ATP2B2: variants seen among roughly 807,000 people sequenced by gnomAD.
The protein encoded by ATP2B2 is ATPase plasma membrane Ca2+ transporting 2.
In ATP2B2, 15 loss-of-function variants were observed where a neutral mutation model predicts 120.0. The observed-to-expected ratio is 0.12, with a 90% confidence interval of 0.08 to 0.19. The LOEUF is 0.19. Ranked by LOEUF, ATP2B2 falls within the 10% of genes least tolerant of loss-of-function variation. The pLI is 1.00. For missense variants in ATP2B2, 1,045 were observed against 1,719.8 expected, an observed-to-expected ratio of 0.61 and a Z score of 6.94; for synonymous variants, 694 against 700.3, an observed-to-expected ratio of 0.99 and a Z score of 0.14.
chr3:10,579,013 C>T (rs2068320996), intron 2 of ATP2B2, among the ~76,000 whole-genome samples: 1 of 152,180 alleles, frequency 6.6e-6, no homozygotes, highest in Non-Finnish European at 1.5e-5. Flanking sequence ...GGTAAAAATT[C>T]ACCCAGGAGT....
intron 1 of ATP2B2, among the ~76,000 whole-genome samples, chr3:10,490,989 CT>C (rs1273773603): frequency 6.6e-6 from 1 of 152,204 alleles, no homozygotes; most frequent in Non-Finnish European, 1.5e-5. Context: ...TGTTTTCTGA[CT>C]TTGCCTTCTG....
chr3:10,335,041 C>T lies in ATP2B2; in HGVS notation c.3420+3135G>A, dbSNP rs879256868. ...AGACAGACTTGTTCCCTATGGGGCC[C>T]GAAGCCATGGGTCCGGGAAAGAGCT... On this transcript the variant is annotated intron_variant, in intron 22 of 22. Coordinates refer to ENST00000360273, the MANE Select transcript of ATP2B2 (RefSeq NM_001001331.4). Among the ~76,000 whole-genome samples the T allele has an allele frequency of 9.9e-5, 15 of 152,224 alleles. No individual in the cohort carries two copies. In the South Asian group the frequency reaches 1.2e-3, roughly 13 times the overall value.
intron 1 of ATP2B2, among the ~76,000 whole-genome samples, chr3:10,634,501 A>T (rs1174747879): frequency 6.6e-6 from 1 of 152,126 alleles, no homozygotes; most frequent in Non-Finnish European, 1.5e-5. Flanking sequence ...CCAGTCCCTG[A>T]CTCCAGCCAA....
At chr3:10,564,320 T>C (rs1231043947) in intron 2 of ATP2B2, among the ~76,000 whole-genome samples, 1 of 152,214 alleles carries the variant, frequency 6.6e-6, no homozygotes, top group Non-Finnish European at 1.5e-5. Context: ...AAATTTCTTC[T>C]GTTTGAAATA....
chr3:10,675,208 A>G (rs2071210930), intron 1 of ATP2B2, among the ~76,000 whole-genome samples: 1 of 152,214 alleles, frequency 6.6e-6, no homozygotes, highest in African/African-American at 2.4e-5. Context: ...AACTGAGCAC[A>G]CCTATGTGTC....
intron 3 of ATP2B2, among the ~76,000 whole-genome samples, chr3:10,408,966 T>C (rs982610153): frequency 6.6e-6 from 1 of 152,164 alleles, no homozygotes; most frequent in African/African-American, 2.4e-5. Context: ...TGTGTGCCCT[T>C]AGCAAGCGAT....
chr3:10,470,823 C>T (rs550748107), intron 1 of ATP2B2, among the ~76,000 whole-genome samples: 1 of 152,294 alleles, frequency 6.6e-6, no homozygotes, highest in African/African-American at 2.4e-5. Flanking sequence ...ACCTTTGATT[C>T]CAGGCCACTG....
At chr3:10,467,936 G>A (rs781137165) in intron 1 of ATP2B2, among the ~76,000 whole-genome samples, 2 of 152,196 alleles carry the variant, frequency 1.3e-5, no homozygotes, top group Non-Finnish European at 2.9e-5. Context: ...AAGCCGAGGT[G>A]CAGGGAGGTG....
chr3:10,695,402 G>C (rs1333379360), intron 1 of ATP2B2, among the ~76,000 whole-genome samples: 1 of 152,084 alleles, frequency 6.6e-6, no homozygotes, highest in Non-Finnish European at 1.5e-5. Context: ...CTCCCACCGG[G>C]TCCCTCCCAC....
At chr3:10,424,141 GATC>G (rs2063076024) in intron 2 of ATP2B2, among the ~76,000 whole-genome samples, 1 of 152,174 alleles carries the variant, frequency 6.6e-6, no homozygotes, top group African/African-American at 2.4e-5. Context: ...GCTCCTACAT[GATC>G]ATCACTTTAT....
At chr3:10,645,265 G>A (rs1361825335) in intron 1 of ATP2B2, among the ~76,000 whole-genome samples, 2 of 152,112 alleles carry the variant, frequency 1.3e-5, no homozygotes, top group African/African-American at 4.8e-5. Context: ...ATGGAGGGGG[G>A]TTGTACTCAA....
intron 1 of ATP2B2, among the ~76,000 whole-genome samples, chr3:10,454,197 A>G (rs781744278): frequency 6.6e-6 from 1 of 152,232 alleles, no homozygotes; most frequent in Non-Finnish European, 1.5e-5. Flanking sequence ...AGTGATTTCT[A>G]TGACTTGAAG....
intron 1 of ATP2B2, among the ~76,000 whole-genome samples, chr3:10,648,068 C>T (rs182910212): frequency 3.3e-5 from 5 of 152,242 alleles, no homozygotes; most frequent in Non-Finnish European, 7.4e-5. Context: ...AGCACTTGGG[C>T]ATATAAGTTG....
chr3:10,385,203 A>C (rs896892687), intron 8 of ATP2B2, 65 bp downstream of exon 8: 12 of 1,524,318 alleles, frequency 7.9e-6, no homozygotes, highest in Non-Finnish European at 1.1e-5. Context: ...AGAAAGCCCA[A>C]AGTTGGGGTG....
At position 10,635,673 on chromosome 3, in the gene ATP2B2, A is replaced by G. The variant is rs751447004; in HGVS notation, c.-459-15712T>C. Among the ~76,000 whole-genome samples the G allele has an allele frequency of 3.9e-5, 6 of 152,200 alleles. No homozygotes were observed. The highest frequency in any genetic ancestry group is 7.4e-5 in the Non-Finnish European group (5 of 68,016). ...AGCATTTTGCACGCGACAAGGACGC[A>G]GCATCCTCAGGCCTCCTTCCATACA... On this transcript the variant is annotated intron_variant, in intron 1 of 21. Transcript: ENST00000646379. The surrounding 1 kb of genome is among the most constrained non-coding windows in gnomAD (Gnocchi z 4.3).
chr3:10,351,317 G>A (rs1189446591), intron 14 of ATP2B2, among the ~76,000 whole-genome samples: 1 of 152,130 alleles, frequency 6.6e-6, no homozygotes, highest in African/African-American at 2.4e-5. Flanking sequence ...CTGGAGCTGG[G>A]GCACCCCTTT....
intron 5 of ATP2B2, among the ~76,000 whole-genome samples, chr3:10,395,724 G>A (rs549307500): frequency 1.3e-5 from 2 of 152,340 alleles, no homozygotes; most frequent in African/African-American, 2.4e-5. Context: ...ACCTTAAAAT[G>A]TGGGAATTTC....
At chr3:10,430,723 G>C (rs1332387715) in intron 2 of ATP2B2, among the ~76,000 whole-genome samples, 1 of 151,736 alleles carries the variant, frequency 6.6e-6, no homozygotes, top group African/African-American at 2.4e-5. Context: ...TACTTGGTTA[G>C]AACTTGGAGC....
intron 21 of ATP2B2, among the ~76,000 whole-genome samples, chr3:10,339,820 G>T (rs1489039446): frequency 1.3e-5 from 2 of 152,194 alleles, no homozygotes; most frequent in Non-Finnish European, 2.9e-5. Context: ...CTAACAAGCT[G>T]CTCCAGCCTT....
Sources: allele counts gnomAD v4.1 joint callset (sites outside exome capture counted in the v4.1 genomes callset), GRCh38; gene constraint gnomAD v4.1.1; non-coding constraint Gnocchi (gnomAD v3.1); transcripts MANE v1.5; gene names NCBI Gene and HGNC (gene_info 2026-07-23, HGNC 2026-07-21).